The following AMT variants were observed in gnomAD, a reference collection of about 807,000 sequenced individuals.
The protein encoded by AMT is aminomethyltransferase, also known as aminomethyltransferase, mitochondrial.
A neutral mutation model predicts 39.5 loss-of-function variants in AMT; 24 were observed. That is an observed-to-expected ratio of 0.61 (90% confidence interval 0.44 to 0.86). AMT has a LOEUF of 0.86. AMT is among the 40% of genes least tolerant of loss of function. The pLI is 0.00. For missense variants in AMT, 501 were observed against 537.0 expected (o/e 0.93, Z 0.66); for synonymous variants, 210 against 212.1 (o/e 0.99, Z 0.09).
chr3:49,416,844 G>T lies in AMT; in HGVS notation c.*696C>A, dbSNP rs10640. On this transcript the variant is annotated 3_prime_UTR_variant, in exon 9 of 9. Transcript: ENST00000273588. ...GTGGAGTCCATTAATGCATACCAGG[G>T]GCAAAGATCAGCCCAGGGTAAGGCA... is the stretch of plus-strand genomic sequence containing the variant. The T allele has an allele frequency of 2.2e-6, 1 of 454,914 alleles. No homozygotes were observed. The highest frequency in any genetic ancestry group is 1.6e-5 in the South Asian group (1 of 64,492). 28.2% of individuals were successfully genotyped at this position (454,914 alleles called of 1,614,324 possible).
chr3:49,419,848 G>T, intron 4 of AMT, 60 bp from the exon 5 acceptor site: 1 of 1,501,040 alleles, frequency 6.7e-7, no homozygotes. Flanking sequence ...CCATGGGCTG[G>T]ACGCTGCAGA....
In AMT at chr3:49,417,523, C is replaced by T. The variant is rs1231514409; in HGVS notation, c.*17G>A. On this transcript the variant is annotated 3_prime_UTR_variant, in exon 9 of 9. Coordinates refer to ENST00000273588, the MANE Select transcript of AMT (RefSeq NM_000481.4). ...GGGCAAAACTCCTGGAAGGGACAGC[C>T]CCACCCTGAGCCAGCTTCACTTGAG... 1 of 1,614,176 alleles carries T rather than the reference C, an allele frequency of 6.2e-7. No individual in the cohort carries two copies. Among genetic ancestry groups the T allele is most frequent in the South Asian group, 1.1e-5 (1 of 91,084 alleles).
In AMT at chr3:49,420,355, T is replaced by A; in HGVS notation, c.340-13A>T. The A allele has an allele frequency of 1.2e-6, 2 of 1,613,944 alleles. No individual in the cohort carries two copies. Among genetic ancestry groups the A allele is most frequent in the Non-Finnish European group, 1.7e-6 (2 of 1,179,970 alleles). Reference sequence around the variant, plus strand: ...GCGACAGTGTCCCCTAGGACCAAAGTGGAGCGTTTTGGCTTCCAGGTCCAG... The same window carrying A: ...GCGACAGTGTCCCCTAGGACCAAAGAGGAGCGTTTTGGCTTCCAGGTCCAG... On this transcript the variant is annotated splice_polypyrimidine_tract_variant and intron_variant, in intron 3 of 8. Coordinates refer to ENST00000273588, the MANE Select transcript of AMT (RefSeq NM_000481.4).
intron 6 of AMT, 27 bp downstream of exon 6, chr3:49,419,233 C>T (rs186390975): frequency 2.4e-5 from 39 of 1,614,110 alleles, no homozygotes; most frequent in Middle Eastern, 1.6e-4. Flanking sequence ...GTGCCCTGTA[C>T]TGCCCCCACA....
rs1461199118 is a variant in AMT at position 49,419,249 on chromosome 3, TC to T, written c.696+10del. The T allele has an allele frequency of 6.2e-7, 1 of 1,613,766 alleles. No individual in the cohort carries two copies. The highest frequency in any genetic ancestry group is 8.5e-7 in the Non-Finnish European group (1 of 1,179,952). ...TGCCCTGTACTGCCCCCACACCACT[TC>T]TTGACACACCTCCACACCATCCTCT... On this transcript the variant is annotated intron_variant, in intron 6 of 8. Coordinates refer to ENST00000273588, the MANE Select transcript of AMT (RefSeq NM_000481.4).
chr3:49,421,681 A>C lies in AMT; in HGVS notation c.259-109T>G, dbSNP rs4855873. The stretch of plus-strand genomic sequence containing the variant: ...TCCACAGTGCAGTCCAGCCCACCCA[A>C]AGTGACTAACCAGTCTTTTGGTTCT... On this transcript the variant is annotated intron_variant, in intron 2 of 8. Transcript: ENST00000273588. 460,393 of 981,850 alleles carry C rather than the reference A, an allele frequency of 0.47. 118,292 individuals carry two copies. The highest frequency in any genetic ancestry group is 0.93 in the East Asian group (39,045 of 41,900). 60.8% of individuals were successfully genotyped at this position (981,850 alleles called of 1,614,324 possible).
intron 8 of AMT, 47 bp downstream of exon 8, chr3:49,417,771 C>T (rs1459727628): frequency 6.2e-7 from 1 of 1,613,912 alleles, no homozygotes; most frequent in East Asian, 2.2e-5. Flanking sequence ...GTGCCCCCAC[C>T]CTCCTGGGAA....
At position 49,417,150 on chromosome 3, in the gene AMT, A is replaced by G. The variant is rs538761519; in HGVS notation, c.*390T>C. 1.1e-6 allele frequency: 1 copy of G among 951,828 alleles called. No individual in the cohort carries two copies. The highest frequency in any genetic ancestry group is 2.0e-5 in the Admixed American group (1 of 50,342). 59.0% of individuals were successfully genotyped at this position (951,828 alleles called of 1,614,324 possible). ...CACTGCCCATGTTATTACCCTTTGC[A>G]ATGTGAAAAACCATGGTGAGGTAGG... On this transcript the variant is annotated 3_prime_UTR_variant, in exon 9 of 9. Transcript: ENST00000273588.
chr3:49,419,683 G>C (rs1222608756), intron 5 of AMT, 27 bp downstream of exon 5: 1 of 1,611,778 alleles, frequency 6.2e-7, no homozygotes, highest in South Asian at 1.1e-5. Context: ...GCAAAGGTTG[G>C]CTCCAACCCC....
At chr3:49,419,619 C>T in intron 5 of AMT, 91 bp downstream of exon 5, 3 of 1,470,434 alleles carry the variant, frequency 2.0e-6, no homozygotes, top group Non-Finnish European at 2.9e-6. Context: ...TCACACCTTC[C>T]ACACATTCTT....
In AMT at chr3:49,420,723, A is replaced by C. The variant is rs2107934551; in HGVS notation, c.340-381T>G. 9.1e-6 allele frequency: 3 copies of C among 329,122 alleles called. No individual in the cohort carries two copies. In the East Asian group the frequency reaches 2.2e-4, roughly 24 times the overall value. 20.4% of individuals were successfully genotyped at this position (329,122 alleles called of 1,614,324 possible). A position where few individuals can be genotyped will look rare whatever the true frequency, so the allele number is the denominator to read the frequency against. On this transcript the variant is annotated intron_variant, in intron 3 of 8. Coordinates refer to ENST00000273588, the MANE Select transcript of AMT (RefSeq NM_000481.4). Reference sequence around the variant, plus strand: ...AAAAGCTTCAAAGGTCATCTTGATGATCGCAGGCTCTCCTAAGTACTCCAT... The same window carrying C: ...AAAAGCTTCAAAGGTCATCTTGATGCTCGCAGGCTCTCCTAAGTACTCCAT...
Position 49,417,024 on chromosome 3 carries a change from C to G in AMT, c.*516G>C, listed in dbSNP as rs960905944. On this transcript the variant is annotated 3_prime_UTR_variant, in exon 9 of 9. Coordinates refer to ENST00000273588, the MANE Select transcript of AMT (RefSeq NM_000481.4). ...CCTCAGCCATCCCCAAGTTTACACA[C>G]AGGCATAGCAGCCCTACTGTGAGTC... The G allele has an allele frequency of 1.8e-6, 1 of 546,540 alleles. No homozygotes were observed. The highest frequency in any genetic ancestry group is 4.4e-5 in the East Asian group (1 of 22,810). The allele number at this position is 546,540 out of a possible 1,614,324, so 33.9% of individuals were successfully genotyped here.
At position 49,420,223 on chromosome 3, in the gene AMT, C is replaced by T. The variant is rs1054393564; in HGVS notation, c.459G>A (p.Leu153=). The T allele has an allele frequency of 5.6e-6, 9 of 1,614,142 alleles. No individual in the cohort carries two copies. Among genetic ancestry groups the T allele is most frequent in the Non-Finnish European group, 5.9e-6 (7 of 1,179,996 alleles). The change falls in exon 4 of 9, where the codon TTG becomes TTA. Residue 153 remains leucine, a synonymous_variant. Transcript: ENST00000273588. ...VSNAGCWEKD[L]ALMQDKVREL... ...AGAGGGGGTATACCTGCATGAGGGC[C>T]AAATCTTTCTCCCAGCAGCCAGCGT...
chr3:49,419,641 C>T, intron 5 of AMT, 69 bp downstream of exon 5: 10 of 1,529,398 alleles, frequency 6.5e-6, no homozygotes, highest in African/African-American at 1.4e-5. Flanking sequence ...TTGGTATGGC[C>T]TCTGTGCTAA....
rs754039064 is a variant in AMT at position 49,416,800 on chromosome 3, AT to A, written c.*739del. 6 of 448,968 alleles carry A rather than the reference AT, an allele frequency of 1.3e-5. No homozygotes were observed. The highest frequency in any genetic ancestry group is 4.7e-5 in the Admixed American group (2 of 42,304). The allele number at this position is 448,968 out of a possible 1,614,324, so 27.8% of individuals were successfully genotyped here. A position where few individuals can be genotyped will look rare whatever the true frequency, so the allele number is the denominator to read the frequency against. On this transcript the variant is annotated 3_prime_UTR_variant, in exon 9 of 9. Transcript: ENST00000273588. ...GACTGGCAAGTAAGAAGGAAGTTTA[AT>A]TTTTTTTTCAGGATTCAGTGGAGTC...
At position 49,419,686 on chromosome 3, in the gene AMT, C is replaced by T. The variant is rs756143159; in HGVS notation, c.550+24G>A. 4 of 1,613,258 alleles carry T rather than the reference C, an allele frequency of 2.5e-6. No individual in the cohort carries two copies. The African/African-American group carries it at 4.0e-5, about 16-fold the overall frequency. ...GAAGCCAGGAAGGCAAAGGTTGGCT[C>T]CAACCCCAGCCCAGCCCTCTCACCT... On this transcript the variant is annotated intron_variant, in intron 5 of 8. Coordinates refer to ENST00000273588, the MANE Select transcript of AMT (RefSeq NM_000481.4).
chr3:49,417,745 C>G (rs775949489), intron 8 of AMT, 27 bp from the exon 9 acceptor site: 1 of 1,613,870 alleles, frequency 6.2e-7, no homozygotes, highest in Non-Finnish European at 8.5e-7. Context: ...AGCCACGCAT[C>G]AGCACCACCC....
At chr3:49,418,008 C>A in intron 7 of AMT, 35 bp from the exon 8 acceptor site, 1 of 1,580,156 alleles carries the variant, frequency 6.3e-7, no homozygotes. Context: ...AGCCACAGCC[C>A]ATAGAAGCCC....
chr3:49,421,648 C>G (rs2049104200), intron 2 of AMT, 76 bp from the exon 3 acceptor site: 2 of 1,326,460 alleles, frequency 1.5e-6, no homozygotes, highest in South Asian at 2.3e-5. Flanking sequence ...GATGCATCCT[C>G]CCTGCCATCC....
Sources: allele counts gnomAD v4.1 joint callset, GRCh38; gene constraint gnomAD v4.1.1; transcripts MANE v1.5; gene names NCBI Gene and HGNC (gene_info 2026-07-23, HGNC 2026-07-21).